Variants in SLC12A1 observed in about 807,000 individuals in gnomAD.
The protein encoded by SLC12A1 is Na-K-2Cl cotransporter.
A neutral mutation model predicts 130.4 loss-of-function variants in SLC12A1; 89 were observed. That is an observed-to-expected ratio of 0.68 (90% CI 0.58 to 0.81). SLC12A1 has a LOEUF of 0.81. SLC12A1 is among the 40% of genes least tolerant of loss of function. SLC12A1 has a pLI of 0.00. For synonymous variants in SLC12A1, 499 were observed against 460.0 expected (o/e 1.08, Z -1.09); for missense variants, 1,310 against 1,336.4 (o/e 0.98, Z 0.31).
At chr15:48,302,278 A>G (rs1358975504) in intron 26 of SLC12A1, among the ~76,000 whole-genome samples, 2 of 152,182 alleles carry the variant, frequency 1.3e-5, no homozygotes, top group Non-Finnish European at 2.9e-5. Flanking sequence ...TCAGTTTGCT[A>G]TCTACAGTAA....
chr15:48,294,204 C>T (rs191412036), intron 24 of SLC12A1, among the ~76,000 whole-genome samples: 2 of 151,274 alleles, frequency 1.3e-5, no homozygotes, highest in African/African-American at 4.9e-5. Flanking sequence ...CAAAAATAGC[C>T]GGGTATGGTG....
chr15:48,247,079 C>A, intron 12 of SLC12A1, 63 bp downstream of exon 12: 1 of 1,315,424 alleles, frequency 7.6e-7, no homozygotes. Flanking sequence ...GTGAATCAAG[C>A]TGAAATATTC....
chr15:48,297,311 T>C (rs2042187103), intron 24 of SLC12A1, among the ~76,000 whole-genome samples: 1 of 152,226 alleles, frequency 6.6e-6, no homozygotes, highest in South Asian at 2.1e-4. Context: ...CCTAAGCCAC[T>C]GAGACATTAC....
At position 48,249,669 on chromosome 15, in the gene SLC12A1, A is replaced by G. The variant is rs2141061721; in HGVS notation, c.1779A>G (p.Lys593=). The G allele has an allele frequency of 6.2e-7, 1 of 1,611,610 alleles. No homozygotes were observed. Among genetic ancestry groups the G allele is most frequent in the Non-Finnish European group, 8.5e-7 (1 of 1,177,758 alleles). ...CCTGCTTCCATGCCTCTTATGCCAA[A>G]TCTCCAGGTAAGCTGACTTCCAAAC... ...NFSCFHASYA[K]SPGWRPAYGI... is the part of the protein sequence containing the mutation. The change falls in exon 14 of 27, where the codon AAA becomes AAG. Residue 593 remains lysine (K), a synonymous_variant. Coordinates refer to ENST00000380993, the MANE Select transcript of SLC12A1 (RefSeq NM_000338.3).
intron 19 of SLC12A1, 36 bp downstream of exon 19, chr15:48,269,800 A>G (rs780915444): frequency 6.7e-6 from 8 of 1,196,810 alleles, no homozygotes; most frequent in Non-Finnish European, 9.9e-6. Context: ...TCTTGTTTAT[A>G]AAGCACTAAG....
chr15:48,246,983 G>GTCAGC lies in SLC12A1; in HGVS notation c.1527_1528insTCAGC (p.Ala510SerfsTer38). On this transcript the variant is annotated frameshift_variant, in exon 12 of 27. Transcript: ENST00000380993. LOFTEE classifies it high-confidence loss of function. Reference sequence around the variant, plus strand: ...TTTCTGCAACACTCTCCTCCGCCCTGGCCTCCCTTGTCAGCGCACCCAAAG... The same window carrying GTCAGC: ...TTTCTGCAACACTCTCCTCCGCCCTGTCAGCGCCTCCCTTGTCAGCGCACCCAAAG... The GTCAGC allele has an allele frequency of 6.2e-7, 1 of 1,613,880 alleles. No homozygotes were observed. The highest frequency in any genetic ancestry group is 2.2e-5 in the East Asian group (1 of 44,880).
chr15:48,216,001 T>C (rs1480545329), intron 2 of SLC12A1, among the ~76,000 whole-genome samples: 1 of 152,182 alleles, frequency 6.6e-6, no homozygotes, highest in Non-Finnish European at 1.5e-5. Flanking sequence ...ATGGCTTCTG[T>C]GCTTGTAAAT....
intron 20 of SLC12A1, among the ~76,000 whole-genome samples, chr15:48,282,554 C>G (rs2042018788): frequency 6.6e-6 from 1 of 152,068 alleles, no homozygotes; most frequent in South Asian, 2.1e-4. Context: ...CATCAGAGGA[C>G]TGCAAAGAGC....
intron 1 of SLC12A1, among the ~76,000 whole-genome samples, chr15:48,206,790 A>C (rs2040987857): frequency 6.6e-6 from 1 of 152,182 alleles, no homozygotes; most frequent in South Asian, 2.1e-4. Context: ...TTACCTAAAC[A>C]TAGCAGAGGA....
At chr15:48,238,361 A>C (rs2041462924) in intron 9 of SLC12A1, among the ~76,000 whole-genome samples, 1 of 152,206 alleles carries the variant, frequency 6.6e-6, no homozygotes, top group Non-Finnish European at 1.5e-5. Context: ...GGCAGCCTTG[A>C]CATGGATGAG....
chr15:48,273,648 T>C (rs2041921021), intron 19 of SLC12A1, among the ~76,000 whole-genome samples: 1 of 152,196 alleles, frequency 6.6e-6, no homozygotes. Flanking sequence ...ATAGAACTAT[T>C]CTGTTAAGTA....
intron 23 of SLC12A1, among the ~76,000 whole-genome samples, chr15:48,290,218 A>G (rs925959174): frequency 5.9e-5 from 9 of 152,140 alleles, no homozygotes; most frequent in Non-Finnish European, 8.8e-5. Flanking sequence ...AGGATCATCA[A>G]TATCACTGTC....
chr15:48,253,913 G>A (rs1165038476), intron 15 of SLC12A1, among the ~76,000 whole-genome samples: 2 of 152,132 alleles, frequency 1.3e-5, no homozygotes, highest in Non-Finnish European at 1.5e-5. Context: ...AATGATTAAC[G>A]ATGTTGAACA....
intron 16 of SLC12A1, among the ~76,000 whole-genome samples, chr15:48,258,081 G>GAGTTCTTCATCT (rs1387379694): frequency 1.4e-5 from 1 of 71,054 alleles, no homozygotes; most frequent in Non-Finnish European, 2.2e-5. Flanking sequence ...GACCTTTACG[G>GAGTTCTTCATCT]CCGGGCGCGG....
chr15:48,237,642 T>C (rs966097273), intron 9 of SLC12A1, among the ~76,000 whole-genome samples: 1 of 152,224 alleles, frequency 6.6e-6, no homozygotes, highest in Admixed American at 6.5e-5. Flanking sequence ...AAAATACTTT[T>C]ATGATTTTAT....
At chr15:48,227,119 G>A (rs1016719055) in intron 5 of SLC12A1, 12 of 1,552,036 alleles carry the variant, frequency 7.7e-6, no homozygotes, top group African/African-American at 5.5e-5. Flanking sequence ...TGGTAGTAAC[G>A]ACACTCACAG....
At position 48,241,612 on chromosome 15, in the gene SLC12A1, T is replaced by C. The variant is rs1194036089; in HGVS notation, c.1300+13T>C. The C allele has an allele frequency of 1.9e-6, 3 of 1,586,040 alleles. No homozygotes were observed. Among genetic ancestry groups the C allele is most frequent in the Non-Finnish European group, 2.6e-6 (3 of 1,154,502 alleles). ...GCAATTTGTGTAGGTAAGTGGTACGTCTCCAGTGTCAGAATGTCAGAATTA... is the reference window on the plus strand; with the variant it reads ...GCAATTTGTGTAGGTAAGTGGTACGCCTCCAGTGTCAGAATGTCAGAATTA... On this transcript the variant is annotated intron_variant, in intron 10 of 26. Coordinates refer to ENST00000380993, the MANE Select transcript of SLC12A1 (RefSeq NM_000338.3).
intron 16 of SLC12A1, among the ~76,000 whole-genome samples, chr15:48,258,905 T>C (rs535727444): frequency 2.0e-5 from 3 of 152,080 alleles, no homozygotes; most frequent in Non-Finnish European, 4.4e-5. Context: ...TACGTGGCAA[T>C]TATGGAAGCT....
chr15:48,255,352 C>T (rs1181115171), intron 15 of SLC12A1, among the ~76,000 whole-genome samples: 1 of 151,368 alleles, frequency 6.6e-6, no homozygotes, highest in Non-Finnish European at 1.5e-5. Context: ...GCAGGAAAAT[C>T]TCTTGAACCC....
Sources: gnomAD v4.1 joint callset for allele counts (sites outside exome capture counted in the v4.1 genomes callset) on GRCh38, gnomAD v4.1.1 for gene constraint, MANE v1.5 for transcripts, NCBI Gene and HGNC (gene_info 2026-07-23, HGNC 2026-07-21) for gene names.